The following THSD7A variants were observed in gnomAD, a reference collection of about 807,000 sequenced individuals.
THSD7A encodes thrombospondin type 1 domain containing 7A.
THSD7A carries 96 observed loss-of-function variants against 231.3 expected under a neutral mutation model. The observed-to-expected ratio is 0.41, with a 90% confidence interval of 0.35 to 0.49. The LOEUF is 0.49. Among genes scored for constraint, THSD7A ranks in the 20% least tolerant of loss-of-function variants. The pLI is 0.05. For synonymous variants in THSD7A, 940 were observed against 743.3 expected (o/e 1.26, Z -4.30); for missense variants, 2,290 against 2,070.2 (o/e 1.11, Z -2.06).
chr7:11,526,735 G>A (rs1788491297), intron 6 of THSD7A, among the ~76,000 whole-genome samples: 1 of 152,090 alleles, frequency 6.6e-6, no homozygotes, highest in Non-Finnish European at 1.5e-5. Flanking sequence ...TGTAAGACAT[G>A]CCTTGCTTCC....
chr7:11,379,843 C>G, intron 24 of THSD7A, 131 bp from the exon 25 acceptor site: 2 of 994,086 alleles, frequency 2.0e-6, no homozygotes, highest in South Asian at 3.0e-5. Flanking sequence ...CAGTGGTTGA[C>G]TGTGAAATAT....
At chr7:11,404,918 A>G (rs1783531981) in intron 22 of THSD7A, among the ~76,000 whole-genome samples, 1 of 152,090 alleles carries the variant, frequency 6.6e-6, no homozygotes, top group Non-Finnish European at 1.5e-5. Context: ...CTGAACCTTT[A>G]CACTCATTGA....
At chr7:11,573,124 G>C (rs74699215) in intron 4 of THSD7A, among the ~76,000 whole-genome samples, 4,047 of 152,202 alleles carry the variant, frequency 0.027, 189 homozygotes, top group African/African-American at 0.093. Context: ...TCTGAGACCT[G>C]AGGTGCTCAA....
intron 1 of THSD7A, among the ~76,000 whole-genome samples, chr7:11,667,905 A>T (rs1387586028): frequency 2.0e-5 from 3 of 152,190 alleles, no homozygotes; most frequent in Non-Finnish European, 4.4e-5. Flanking sequence ...ATAAAACAAC[A>T]TGCATATTAA....
Position 11,810,640 on chromosome 7 carries a change from CTT to C in THSD7A, c.190+21115_190+21116del, listed in dbSNP as rs201864282. On this transcript the variant is annotated intron_variant, in intron 1 of 27. Transcript: ENST00000423059. Reference sequence around the variant, plus strand: ...TGCTAGAAAGAAGAAATAGCCAACACTTTGTCTTCACCTCAGATTTAACTTTC... The same window carrying C: ...TGCTAGAAAGAAGAAATAGCCAACACTGTCTTCACCTCAGATTTAACTTTC... Among the ~76,000 whole-genome samples, 49 of 152,290 alleles carry C rather than the reference CTT, an allele frequency of 3.2e-4. 2 individuals are homozygous for C. The East Asian group carries it at 9.5e-3, about 29-fold the overall frequency.
intron 1 of THSD7A, among the ~76,000 whole-genome samples, chr7:11,670,954 C>G (rs1783363828): frequency 6.6e-6 from 1 of 152,248 alleles, no homozygotes; most frequent in South Asian, 2.1e-4. Context: ...TGGTGAGTCT[C>G]CTTGACTTCT....
chr7:11,617,156 GC>G (rs1781134724), intron 2 of THSD7A, among the ~76,000 whole-genome samples: 1 of 152,010 alleles, frequency 6.6e-6, no homozygotes, highest in South Asian at 2.1e-4. Context: ...TAGTACTTTG[GC>G]CCCTCTTGAA....
intron 1 of THSD7A, among the ~76,000 whole-genome samples, chr7:11,827,178 T>C (rs908065310): frequency 3.9e-5 from 6 of 152,236 alleles, no homozygotes; most frequent in Admixed American, 3.3e-4. Context: ...CAGACTTTTA[T>C]ATTTTAATAA....
chr7:11,567,286 G>A (rs1159118180), intron 4 of THSD7A, among the ~76,000 whole-genome samples: 1 of 152,098 alleles, frequency 6.6e-6, no homozygotes, highest in African/African-American at 2.4e-5. Flanking sequence ...CAGCAGAAAA[G>A]ACAAGTGCAG....
chr7:11,515,594 A>G (rs943573078), intron 6 of THSD7A, among the ~76,000 whole-genome samples: 4 of 152,140 alleles, frequency 2.6e-5, no homozygotes, highest in Non-Finnish European at 5.9e-5. Context: ...TAGATTTATT[A>G]CCAAACACAC....
intron 2 of THSD7A, among the ~76,000 whole-genome samples, chr7:11,607,003 A>G (rs71536860): frequency 2.0e-5 from 3 of 151,884 alleles, no homozygotes; most frequent in East Asian, 3.9e-4. Flanking sequence ...AACTTAAAGT[A>G]TAATAATAAA....
chr7:11,381,845 C>T (rs115108401), intron 24 of THSD7A, among the ~76,000 whole-genome samples: 46 of 152,256 alleles, frequency 3.0e-4, no homozygotes, highest in African/African-American at 8.7e-4. Context: ...GGATCCCTCA[C>T]GCTTACAGGC....
At chr7:11,418,339 T>G (rs1374261835) in intron 16 of THSD7A, among the ~76,000 whole-genome samples, 1 of 152,226 alleles carries the variant, frequency 6.6e-6, no homozygotes, top group Non-Finnish European at 1.5e-5. Context: ...TAAGCAGTCA[T>G]GAAGGGCTCC....
rs1329160456 is a variant in THSD7A, at chr7:11,389,067, AATGTAT to A, written c.4412-6457_4412-6452del. 2.6e-5 allele frequency among the ~76,000 whole-genome samples: 4 copies of A among 152,292 alleles called. No individual in the cohort carries two copies. In the East Asian group the frequency reaches 7.7e-4, roughly 29 times the overall value. ...ATAAGTGTGATGTGGTGCTGAGAAG[AATGTAT>A]ATTCTGTTGATTTGGGGTGGAGAGT... On this transcript the variant is annotated intron_variant, in intron 23 of 27. Coordinates refer to ENST00000423059, the MANE Select transcript of THSD7A (RefSeq NM_015204.3).
chr7:11,666,165 T>C (rs1783122714), intron 1 of THSD7A, among the ~76,000 whole-genome samples: 1 of 152,104 alleles, frequency 6.6e-6, no homozygotes, highest in Admixed American at 6.6e-5. Flanking sequence ...TGAGTATTCC[T>C]TATATAAAAT....
chr7:11,631,329 T>A (rs1316624073), intron 2 of THSD7A, among the ~76,000 whole-genome samples: 2 of 152,216 alleles, frequency 1.3e-5, no homozygotes, highest in African/African-American at 2.4e-5. Context: ...TGATTGGGGT[T>A]ACTGGGTGAT....
At chr7:11,464,077 C>T (rs1027461629) in intron 9 of THSD7A, among the ~76,000 whole-genome samples, 2 of 152,076 alleles carry the variant, frequency 1.3e-5, no homozygotes, top group African/African-American at 4.8e-5. Context: ...TCCTTCTACC[C>T]CCTTCCTATT....
chr7:11,723,439 A>G (rs550298660), intron 1 of THSD7A, among the ~76,000 whole-genome samples: 1 of 151,926 alleles, frequency 6.6e-6, no homozygotes, highest in Non-Finnish European at 1.5e-5. Context: ...ACAAACCTGC[A>G]CACTGTGCAC....
chr7:11,792,453 C>T (rs1309429319), intron 1 of THSD7A, among the ~76,000 whole-genome samples: 1 of 151,968 alleles, frequency 6.6e-6, no homozygotes, highest in Non-Finnish European at 1.5e-5. Context: ...TTATTACCAA[C>T]TTTCCTCCCC....
Sources: gnomAD v4.1 joint callset for allele counts (sites outside exome capture counted in the v4.1 genomes callset) on GRCh38, gnomAD v4.1.1 for gene constraint, MANE v1.5 for transcripts, NCBI Gene and HGNC (gene_info 2026-07-23, HGNC 2026-07-21) for gene names.